The following MYO5A variants were observed in gnomAD, a reference collection of about 807,000 sequenced individuals.
The protein encoded by MYO5A is myosin VA.
MYO5A carries 98 observed loss-of-function variants against 249.7 expected under a neutral mutation model. That is an observed-to-expected ratio of 0.39 (90% confidence interval 0.33 to 0.46). MYO5A has a LOEUF of 0.46. MYO5A is among the 20% of genes least tolerant of loss of function. MYO5A has a pLI of 0.98. For synonymous variants in MYO5A, 778 were observed against 810.6 expected, an observed-to-expected ratio of 0.96 and a Z score of 0.68; for missense variants, 1,696 against 2,308.8, an observed-to-expected ratio of 0.73 and a Z score of 5.44.
intron 16 of MYO5A, among the ~76,000 whole-genome samples, chr15:52,380,806 C>T (rs1343259102): frequency 6.6e-6 from 1 of 152,106 alleles, no homozygotes; most frequent in Non-Finnish European, 1.5e-5. Flanking sequence ...TTGCACTTTG[C>T]CCATACTCAT....
At chr15:52,342,500 T>C (rs2039426421) in intron 31 of MYO5A, among the ~76,000 whole-genome samples, 1 of 152,262 alleles carries the variant, frequency 6.6e-6, no homozygotes, top group African/African-American at 2.4e-5. Flanking sequence ...TGAAAGATTA[T>C]GTTTTTCTTT....
chr15:52,515,365 T>G (rs2077475952), intron 1 of MYO5A, among the ~76,000 whole-genome samples: 1 of 151,294 alleles, frequency 6.6e-6, no homozygotes, highest in Non-Finnish European at 1.5e-5. Flanking sequence ...ACTGATTAGG[T>G]GGGGTGCAGG....
intron 26 of MYO5A, 63 bp from the exon 27 acceptor site, chr15:52,353,721 G>C: frequency 6.3e-7 from 1 of 1,585,864 alleles, no homozygotes; most frequent in East Asian, 2.2e-5. Context: ...ATATTTACTT[G>C]CTCTACCGAA....
intron 34 of MYO5A, among the ~76,000 whole-genome samples, chr15:52,333,671 C>G (rs2038989087): frequency 6.6e-6 from 1 of 152,024 alleles, no homozygotes; most frequent in South Asian, 2.1e-4. Flanking sequence ...TAGTTTCTGC[C>G]AAAAATTATA....
At position 52,310,218 on chromosome 15, in the gene MYO5A, T is replaced by C. The variant is rs1031730699; in HGVS notation, c.*3478A>G. 3 of 152,270 alleles carry C rather than the reference T, an allele frequency of 2.0e-5. No individual in the cohort carries two copies. The highest frequency in any genetic ancestry group is 7.2e-5 in the African/African-American group (3 of 41,470). 9.4% of individuals were successfully genotyped at this position (152,270 alleles called of 1,614,324 possible). ...CCTGACAAAAGAAGCATCAGATATG[T>C]GGAAATTTTTTAAACTTCCAAAGGA... On this transcript the variant is annotated 3_prime_UTR_variant, in exon 42 of 42. Transcript: ENST00000399233.
intron 8 of MYO5A, among the ~76,000 whole-genome samples, chr15:52,406,151 T>C (rs941612334): frequency 6.6e-6 from 1 of 152,212 alleles, no homozygotes; most frequent in East Asian, 1.9e-4. Context: ...AAATTAGCTA[T>C]AATTACATGC....
chr15:52,486,336 G>C (rs1370450745), intron 1 of MYO5A, among the ~76,000 whole-genome samples: 1 of 152,216 alleles, frequency 6.6e-6, no homozygotes, highest in Non-Finnish European at 1.5e-5. Context: ...AACTCAGGTT[G>C]AGTGAGTCAA....
intron 1 of MYO5A, among the ~76,000 whole-genome samples, chr15:52,502,520 C>A (rs2077180775): frequency 1.3e-5 from 2 of 152,202 alleles, no homozygotes; most frequent in African/African-American, 4.8e-5. Flanking sequence ...TTTACAAACT[C>A]TCTTTCTCAC....
chr15:52,506,826 C>T (rs1007680905), intron 1 of MYO5A, among the ~76,000 whole-genome samples: 1 of 152,186 alleles, frequency 6.6e-6, no homozygotes, highest in Non-Finnish European at 1.5e-5. Context: ...TAGAATGAAA[C>T]GCTGTCTCAA....
intron 1 of MYO5A, among the ~76,000 whole-genome samples, chr15:52,486,201 T>G (rs1425849050): frequency 6.6e-6 from 1 of 152,186 alleles, no homozygotes; most frequent in Non-Finnish European, 1.5e-5. Flanking sequence ...CAGAGCCTGT[T>G]CTCTGTTTGC....
At chr15:52,513,887 T>C (rs985360927) in intron 1 of MYO5A, among the ~76,000 whole-genome samples, 3 of 152,130 alleles carry the variant, frequency 2.0e-5, no homozygotes, top group Non-Finnish European at 4.4e-5. Flanking sequence ...CTGGAAGCAC[T>C]GGAGACTAAG....
chr15:52,379,976 A>G, intron 16 of MYO5A, 68 bp from the exon 17 acceptor site: 1 of 1,508,058 alleles, frequency 6.6e-7, no homozygotes, highest in Non-Finnish European at 9.2e-7. Context: ...TACTCTCCTC[A>G]GTCAGGGTGT....
intron 33 of MYO5A, among the ~76,000 whole-genome samples, chr15:52,337,121 T>C (rs761879330): frequency 1.3e-5 from 2 of 152,208 alleles, no homozygotes; most frequent in Non-Finnish European, 2.9e-5. Flanking sequence ...GTGGTCTGCT[T>C]ACCTAGGACC....
chr15:52,505,802 A>C, intron 1 of MYO5A: 2 of 1,591,994 alleles, frequency 1.3e-6, no homozygotes, highest in South Asian at 2.2e-5. Flanking sequence ...CTGGAGGAGC[A>C]GATCACTGCG....
At chr15:52,341,398 G>A (rs996875877) in intron 31 of MYO5A, among the ~76,000 whole-genome samples, 1 of 152,168 alleles carries the variant, frequency 6.6e-6, no homozygotes, top group Non-Finnish European at 1.5e-5. Context: ...CAAAAAAGTG[G>A]TTATTGCTTT....
rs372429360 is a variant in MYO5A at position 52,513,480 on chromosome 15, A to G, written c.27+15300T>C. 5.5e-5 allele frequency among the ~76,000 whole-genome samples: 8 copies of G among 145,500 alleles called. No homozygotes were observed. The East Asian group carries it at 1.8e-3, about 33-fold the overall frequency. ...GCTCTTGTTGCCCAGGCTGGAGTGC[A>G]GTGGCACAATCTCGGCTCACTGCAA... On this transcript the variant is annotated intron_variant, in intron 1 of 41. Transcript: ENST00000399233.
chr15:52,388,487 T>C (rs16964952), intron 13 of MYO5A, among the ~76,000 whole-genome samples: 8,056 of 152,258 alleles, frequency 0.053, 620 homozygotes, highest in African/African-American at 0.17. Context: ...AAAGCTTGCA[T>C]GACAAAACCT....
At chr15:52,319,956 T>C (rs2038220705) in intron 38 of MYO5A, among the ~76,000 whole-genome samples, 1 of 152,136 alleles carries the variant, frequency 6.6e-6, no homozygotes, top group Non-Finnish European at 1.5e-5. Context: ...TTGAGAGTGG[T>C]AGGTAGCAGT....
chr15:52,475,205 T>C (rs2076566152), intron 1 of MYO5A, among the ~76,000 whole-genome samples: 1 of 152,238 alleles, frequency 6.6e-6, no homozygotes, highest in African/African-American at 2.4e-5. Context: ...CTGATGGTAG[T>C]TTGTATCTCT....
Sources: allele counts gnomAD v4.1 joint callset (sites outside exome capture counted in the v4.1 genomes callset), GRCh38; gene constraint gnomAD v4.1.1; transcripts MANE v1.5; gene names NCBI Gene and HGNC (gene_info 2026-07-23, HGNC 2026-07-21).